Variants in ZNF415 observed in about 807,000 individuals in gnomAD.
ZNF415 encodes zinc finger protein 415.
ZNF415 carries 5 observed loss-of-function variants against 7.3 expected under a neutral mutation model. The observed-to-expected ratio is 0.69, with a 90% CI of 0.36 to 1.44. The LOEUF (loss-of-function observed/expected upper bound fraction) is 1.44. Ranked by LOEUF, ZNF415 falls within the 40% of genes most tolerant of loss-of-function variation. ZNF415 has a pLI of 0.04. For missense variants in ZNF415, 628 were observed against 664.8 expected (o/e 0.94, Z 0.61); for synonymous variants, 207 against 226.3 (o/e 0.91, Z 0.77).
Position 53,109,266 on chromosome 19 carries a change from G to A in ZNF415, c.779C>T (p.Ala260Val), listed in dbSNP as rs373210709. 49 of 1,613,978 alleles carry A rather than the reference G, an allele frequency of 3.0e-5. No homozygotes were observed. The highest frequency in any genetic ancestry group is 1.6e-4 in the Middle Eastern group (1 of 6,084). ...GKVFSQKSNLARHWRVHTGEK... is the reference protein window; with the variant it reads ...GKVFSQKSNLVRHWRVHTGEK... ...TCCAGTATGAACTCTCCAATGACGCGCAAGGTTTGATTTTTGACTAAAGAC... is the reference window on the plus strand; with the variant it reads ...TCCAGTATGAACTCTCCAATGACGCACAAGGTTTGATTTTTGACTAAAGAC... Residue 260 changes from alanine (A) to valine (V), a missense_variant, in exon 4 of 4, where the codon GCG becomes GTG. Physicochemically the swap from Ala to Val is moderately conservative, Grantham distance 64. Coordinates refer to ENST00000243643, the MANE Select transcript of ZNF415 (RefSeq NM_018355.4).
At chr19:53,115,786 C>T (rs2086925640) in intron 3 of ZNF415, 2 of 1,550,364 alleles carry the variant, frequency 1.3e-6, no homozygotes, top group Admixed American at 2.0e-5. Flanking sequence ...AGGGCTCTTT[C>T]CTGTGCTCCC....
At chr19:53,125,057 T>C (rs1283889908) in intron 1 of ZNF415, among the ~76,000 whole-genome samples, 1 of 152,072 alleles carries the variant, frequency 6.6e-6, no homozygotes, top group East Asian at 1.9e-4. Context: ...CAATTTTTTT[T>C]TTTTTGAGAC....
At chr19:53,114,443 C>G (rs2086698522) in intron 3 of ZNF415, among the ~76,000 whole-genome samples, 1 of 152,184 alleles carries the variant, frequency 6.6e-6, no homozygotes. Context: ...GCTGGAATTA[C>G]AGGCGTGAGC....
At chr19:53,115,028 A>C (rs558404672) in intron 3 of ZNF415, among the ~76,000 whole-genome samples, 1 of 152,230 alleles carries the variant, frequency 6.6e-6, no homozygotes, top group South Asian at 2.1e-4. Flanking sequence ...ACTGAGCATC[A>C]GGTGGCATCA....
intron 2 of ZNF415, among the ~76,000 whole-genome samples, chr19:53,118,782 T>C (rs1306049473): frequency 1.3e-5 from 2 of 151,424 alleles, no homozygotes; most frequent in Non-Finnish European, 2.9e-5. Flanking sequence ...TCAAAACCTA[T>C]GGAATACAAC....
intron 1 of ZNF415, among the ~76,000 whole-genome samples, chr19:53,129,130 G>C (rs1464985219): frequency 6.6e-6 from 1 of 152,166 alleles, no homozygotes; most frequent in African/African-American, 2.4e-5. Flanking sequence ...GGGACATAGG[G>C]TAAAAGCAGG....
chr19:53,120,876 G>A (rs2087885107), intron 2 of ZNF415, among the ~76,000 whole-genome samples: 2 of 151,776 alleles, frequency 1.3e-5, no homozygotes, highest in Non-Finnish European at 2.9e-5. Flanking sequence ...ACGAGGTCAG[G>A]AGTTGGAGAC....
At chr19:53,120,681 T>A (rs777968275) in intron 2 of ZNF415, among the ~76,000 whole-genome samples, 1 of 152,090 alleles carries the variant, frequency 6.6e-6, no homozygotes, top group South Asian at 2.1e-4. Context: ...GAAAAAGGAG[T>A]TCTGCTCTGA....
Position 53,108,410 on chromosome 19 carries a change from G to A in ZNF415, c.1635C>T (p.Ile545=). ...VRPNLFRHQI[I]HTKEKPYKRN ...TTTTATAAGGTTTCTCCTTAGTATG[G>A]ATAATTTGATGTCTGAAGAGGTTTG... Residue 545 remains isoleucine (I), a synonymous_variant, in exon 4 of 4, where the codon ATC becomes ATT. Coordinates refer to ENST00000243643, the MANE Select transcript of ZNF415 (RefSeq NM_018355.4). 6.2e-7 allele frequency: 1 copy of A among 1,613,794 alleles called. No homozygotes were observed. Among genetic ancestry groups the A allele is most frequent in the Non-Finnish European group, 8.5e-7 (1 of 1,179,884 alleles).
At chr19:53,126,048 A>G (rs1199078825) in intron 1 of ZNF415, among the ~76,000 whole-genome samples, 3 of 148,234 alleles carry the variant, frequency 2.0e-5, no homozygotes, top group African/African-American at 7.4e-5. Context: ...CTGGCACATG[A>G]CGGAGTATTT....
intron 3 of ZNF415, 153 bp downstream of exon 3, chr19:53,116,159 TA>T (rs1366934737): frequency 2.2e-6 from 2 of 908,400 alleles, no homozygotes; most frequent in Admixed American, 2.5e-5. Context: ...AGGGGATGGT[TA>T]AACTCCAGAG....
chr19:53,122,494 C>G, intron 2 of ZNF415, 168 bp downstream of exon 2: 2 of 1,573,702 alleles, frequency 1.3e-6, no homozygotes, highest in Non-Finnish European at 1.7e-6. Context: ...CAGGGTGAGA[C>G]GGAATCTCAG....
At chr19:53,128,543 C>T (rs1288335250) in intron 1 of ZNF415, among the ~76,000 whole-genome samples, 1 of 111,614 alleles carries the variant, frequency 9.0e-6, no homozygotes, top group Non-Finnish European at 2.0e-5. Flanking sequence ...TGACTGTGAG[C>T]GCATCACCTG....
chr19:53,122,014 AGGTG>A (rs975022372), intron 2 of ZNF415, among the ~76,000 whole-genome samples: 1 of 151,904 alleles, frequency 6.6e-6, no homozygotes, highest in African/African-American at 2.4e-5. Context: ...TGGGAAGCCG[AGGTG>A]GGTGGATCAC....
intron 1 of ZNF415, chr19:53,129,840 G>C (rs2089811895): frequency 8.1e-6 from 3 of 371,962 alleles, no homozygotes; most frequent in Non-Finnish European, 1.4e-5. Context: ...AAGGAGGGGA[G>C]ATTACTTGAG....
intron 2 of ZNF415, among the ~76,000 whole-genome samples, chr19:53,120,397 A>T (rs1259714881): frequency 6.6e-6 from 1 of 152,204 alleles, no homozygotes; most frequent in Non-Finnish European, 1.5e-5. Flanking sequence ...ATTTACTGAC[A>T]ATATTGTTCT....
rs1429235001 is a variant in ZNF415, at chr19:53,116,328, T to C, written c.121A>G (p.Asn41Asp). The change falls in exon 3 of 4, where the codon AAC becomes GAC. Residue 41 changes from asparagine to aspartate, a missense_variant. Asn to Asp is a conservative substitution (Grantham distance 23). Coordinates refer to ENST00000243643, the MANE Select transcript of ZNF415 (RefSeq NM_018355.4). ...TTATCCTCACCCAGGGAGACCAGGT[T>C]CCTGTAGTTCTCCAACATCACATCC... ...YRDVMLENYR[N>D]LVSLDLSRNC... 5 of 1,610,584 alleles carry C rather than the reference T, an allele frequency of 3.1e-6. No individual in the cohort carries two copies.
chr19:53,121,990 T>TA (rs1356110713), intron 2 of ZNF415, among the ~76,000 whole-genome samples: 3 of 151,930 alleles, frequency 2.0e-5, no homozygotes, highest in Non-Finnish European at 2.9e-5. Context: ...CTCATGCCTG[T>TA]AATCCCAGCA....
At position 53,112,130 on chromosome 19, in the gene ZNF415, G is replaced by A. The variant is rs188469855; in HGVS notation, c.137-2222C>T. ...CTACTTTTTTTGTATTTTTAGTAGA[G>A]AAGGGGTTTAACCATGTTGGCCAGG... On this transcript the variant is annotated intron_variant, in intron 3 of 3. Coordinates refer to ENST00000243643, the MANE Select transcript of ZNF415 (RefSeq NM_018355.4). Among the ~76,000 whole-genome samples the A allele has an allele frequency of 4.2e-3, 635 of 152,204 alleles. 19 individuals carry two copies. Among genetic ancestry groups the A allele is most frequent in the Admixed American group, 0.04 (605 of 15,278 alleles).
Sources: allele counts gnomAD v4.1 joint callset (sites outside exome capture counted in the v4.1 genomes callset), GRCh38; gene constraint gnomAD v4.1.1; transcripts MANE v1.5; gene names NCBI Gene and HGNC (gene_info 2026-07-23, HGNC 2026-07-21).